Variants in GNAI1 observed in about 807,000 individuals in gnomAD.
GNAI1 encodes G protein subunit alpha i1, also known as guanine nucleotide-binding protein G(i) subunit alpha-1.
In GNAI1, 11 loss-of-function variants were observed where a neutral mutation model predicts 38.9. The observed-to-expected ratio is 0.28, with a 90% CI of 0.18 to 0.47. The LOEUF is 0.47. GNAI1 is among the 20% of genes least tolerant of loss of function. The probability of loss-of-function intolerance (pLI) is 0.99; values close to 1 mark genes in which losing one functional copy is unlikely to be tolerated. For missense variants in GNAI1, 317 were observed against 436.9 expected (o/e 0.73, Z 2.45); for synonymous variants, 166 against 145.1 (o/e 1.14, Z -1.04).
chr7:80,172,776 G>A (rs1045153540), intron 1 of GNAI1, among the ~76,000 whole-genome samples: 3 of 151,920 alleles, frequency 2.0e-5, no homozygotes, highest in African/African-American at 7.3e-5. Context: ...TTTTCTTTCC[G>A]TGGCATTCAC....
chr7:80,210,584 C>G (rs1336038772), intron 5 of GNAI1, among the ~76,000 whole-genome samples: 1 of 152,124 alleles, frequency 6.6e-6, no homozygotes, highest in Non-Finnish European at 1.5e-5. Context: ...AATATTTACT[C>G]TTTGATCTCT....
At chr7:80,190,394 TATC>T (rs1788461444) in intron 3 of GNAI1, among the ~76,000 whole-genome samples, 1 of 152,096 alleles carries the variant, frequency 6.6e-6, no homozygotes, top group Non-Finnish European at 1.5e-5. Context: ...TTTATACATT[TATC>T]ATTTATTCAG....
chr7:80,191,203 A>G (rs1200908250), intron 3 of GNAI1, among the ~76,000 whole-genome samples: 2 of 151,624 alleles, frequency 1.3e-5, no homozygotes, highest in Non-Finnish European at 1.5e-5. Flanking sequence ...TGTGTTACCT[A>G]TCTTTACGTA....
intron 1 of GNAI1, chr7:80,135,802 C>G (rs919741963): frequency 2.0e-6 from 2 of 985,580 alleles, no homozygotes; most frequent in African/African-American, 1.7e-5. Context: ...GCTGAAGCGT[C>G]TTTCCTGTTA....
chr7:80,214,872 T>C (rs1788933925), intron 7 of GNAI1, among the ~76,000 whole-genome samples: 1 of 152,202 alleles, frequency 6.6e-6, no homozygotes. Context: ...TCGTATCTAT[T>C]CTCAATAGGT....
intron 1 of GNAI1, among the ~76,000 whole-genome samples, chr7:80,157,520 A>C (rs1296981326): frequency 6.6e-6 from 1 of 152,182 alleles, no homozygotes; most frequent in Non-Finnish European, 1.5e-5. Flanking sequence ...GACACTACCA[A>C]ACTGTGTTCC....
chr7:80,151,438 A>C (rs1787725768), intron 1 of GNAI1, among the ~76,000 whole-genome samples: 1 of 152,154 alleles, frequency 6.6e-6, no homozygotes, highest in Admixed American at 6.5e-5. Context: ...ACAAACCAAT[A>C]GAGTTCTCAT....
At chr7:80,136,651 G>A (rs1012477926) in intron 1 of GNAI1, among the ~76,000 whole-genome samples, 1 of 152,152 alleles carries the variant, frequency 6.6e-6, no homozygotes, top group African/African-American at 2.4e-5. Context: ...TTTTGATGAG[G>A]TTAGTGTATG....
rs1440825356 is a variant in GNAI1 at position 80,221,879 on chromosome 7, A to C, written c.*4386A>C. On this transcript the variant is annotated 3_prime_UTR_variant, in exon 8 of 8. Coordinates refer to ENST00000649796, the MANE Select transcript of GNAI1 (RefSeq NM_002069.6). ...ATGGTCTTGATCACCTGACCTTGTG[A>C]TCTGACCGCCTCGGCCTCCCAAAGT... is the stretch of plus-strand genomic sequence containing the variant. 6.6e-6 allele frequency among the ~76,000 whole-genome samples: 1 copy of C among 151,992 alleles called. No individual in the cohort carries two copies. The highest frequency in any genetic ancestry group is 2.4e-5 in the African/African-American group (1 of 41,370).
chr7:80,154,115 G>A (rs1431096927), intron 1 of GNAI1, among the ~76,000 whole-genome samples: 3 of 151,942 alleles, frequency 2.0e-5, no homozygotes, highest in Admixed American at 6.6e-5. Context: ...TAGAGATGAG[G>A]TTTCACCATG....
At chr7:80,176,610 G>C (rs543902505) in intron 1 of GNAI1, among the ~76,000 whole-genome samples, 3 of 152,110 alleles carry the variant, frequency 2.0e-5, no homozygotes, top group Non-Finnish European at 4.4e-5. Flanking sequence ...TGCTCATTTA[G>C]CATTCTGTAT....
chr7:80,135,957 A>C, intron 1 of GNAI1: 2 of 985,266 alleles, frequency 2.0e-6, no homozygotes, highest in Non-Finnish European at 2.4e-6. Context: ...TTGCTTTAGT[A>C]GTAGGCAAGG....
chr7:80,196,445 C>T (rs1788576248), intron 3 of GNAI1, among the ~76,000 whole-genome samples: 1 of 151,954 alleles, frequency 6.6e-6, no homozygotes, highest in South Asian at 2.1e-4. Context: ...GGTACACTTA[C>T]ATTTATATTT....
intron 1 of GNAI1, among the ~76,000 whole-genome samples, chr7:80,161,401 A>T (rs879369387): frequency 6.6e-6 from 1 of 152,188 alleles, no homozygotes; most frequent in Admixed American, 6.5e-5. Context: ...TAAGCATTTT[A>T]GGAGTTAATT....
chr7:80,157,660 G>A (rs1310484987), intron 1 of GNAI1, among the ~76,000 whole-genome samples: 2 of 151,994 alleles, frequency 1.3e-5, no homozygotes, highest in African/African-American at 4.8e-5. Context: ...GTATCTCATT[G>A]GTACTTCAAT....
In GNAI1 at chr7:80,221,208, ATAATT is replaced by A. The variant is rs1232484510; in HGVS notation, c.*3718_*3722del. On this transcript the variant is annotated 3_prime_UTR_variant, in exon 8 of 8. Coordinates refer to ENST00000649796, the MANE Select transcript of GNAI1 (RefSeq NM_002069.6). ...TTATTAACTGGGAAAATCTGGGCAA[ATAATT>A]TAGTTTTGCTCTGCCTCCATTTATA... is the stretch of plus-strand genomic sequence containing the variant. Among the ~76,000 whole-genome samples the A allele has an allele frequency of 6.6e-6, 1 of 152,178 alleles. No homozygotes were observed. The highest frequency in any genetic ancestry group is 1.9e-4 in the East Asian group (1 of 5,184).
At chr7:80,184,362 G>T (rs1305824349) in intron 1 of GNAI1, among the ~76,000 whole-genome samples, 3 of 152,172 alleles carry the variant, frequency 2.0e-5, no homozygotes, top group Non-Finnish European at 4.4e-5. Flanking sequence ...CCAGGGTCTT[G>T]TGTCCCTTCT....
At chr7:80,198,434 GTGGT>G (rs1788620674) in intron 3 of GNAI1, among the ~76,000 whole-genome samples, 1 of 152,130 alleles carries the variant, frequency 6.6e-6, no homozygotes, top group Non-Finnish European at 1.5e-5. Context: ...CTGATTTAGA[GTGGT>G]TGATTACTTG....
At chr7:80,143,389 A>G (rs1300206803) in intron 1 of GNAI1, among the ~76,000 whole-genome samples, 3 of 152,184 alleles carry the variant, frequency 2.0e-5, no homozygotes, top group African/African-American at 4.8e-5. Flanking sequence ...TACTTTGGTT[A>G]TAAATCTGTC....
Sources: allele counts gnomAD v4.1 joint callset (sites outside exome capture counted in the v4.1 genomes callset), GRCh38; gene constraint gnomAD v4.1.1; transcripts MANE v1.5; gene names NCBI Gene and HGNC (gene_info 2026-07-23, HGNC 2026-07-21).